NKAIN2: variants seen among roughly 807,000 people sequenced by gnomAD.
NKAIN2 encodes the protein sodium/potassium-transporting ATPase subunit beta-1-interacting protein 2.
A neutral mutation model predicts 32.6 loss-of-function variants in NKAIN2; 14 were observed. The observed-to-expected ratio is 0.43, with a 90% CI of 0.28 to 0.67. The LOEUF is 0.67. Ranked by LOEUF, NKAIN2 falls within the 30% of genes least tolerant of loss-of-function variation. The pLI is 0.17. For synonymous variants in NKAIN2, 80 were observed against 87.2 expected, an observed-to-expected ratio of 0.92 and a Z score of 0.46; for missense variants, 198 against 258.3, an observed-to-expected ratio of 0.77 and a Z score of 1.60.
intron 1 of NKAIN2, among the ~76,000 whole-genome samples, chr6:123,835,065 T>A (rs1468503240): frequency 1.3e-5 from 2 of 152,198 alleles, no homozygotes; most frequent in Non-Finnish European, 2.9e-5. Flanking sequence ...ATTAGCACAG[T>A]TCTAGCCTTT....
At chr6:124,519,052 C>A (rs1779028304) in intron 3 of NKAIN2, among the ~76,000 whole-genome samples, 1 of 152,084 alleles carries the variant, frequency 6.6e-6, no homozygotes, top group Non-Finnish European at 1.5e-5. Context: ...CAGATGTGGA[C>A]AGATAATTGG....
chr6:124,570,361 A>T (rs1214443669), intron 3 of NKAIN2, among the ~76,000 whole-genome samples: 1 of 152,138 alleles, frequency 6.6e-6, no homozygotes, highest in Non-Finnish European at 1.5e-5. Context: ...ACCATGGGGA[A>T]GATGTCACCA....
intron 3 of NKAIN2, among the ~76,000 whole-genome samples, chr6:124,565,784 G>C (rs1413436708): frequency 6.6e-6 from 1 of 152,110 alleles, no homozygotes; most frequent in Non-Finnish European, 1.5e-5. Flanking sequence ...TCTATGCAAG[G>C]GTCTTAGAAG....
At chr6:124,097,695 G>C (rs1784703706) in intron 1 of NKAIN2, among the ~76,000 whole-genome samples, 1 of 152,156 alleles carries the variant, frequency 6.6e-6, no homozygotes, top group African/African-American at 2.4e-5. Flanking sequence ...CAAATGAGAA[G>C]TTCATAATTC....
chr6:124,796,907 C>T (rs962829364), intron 5 of NKAIN2, among the ~76,000 whole-genome samples: 4 of 152,036 alleles, frequency 2.6e-5, no homozygotes, highest in Non-Finnish European at 5.9e-5. Context: ...TATGGCCTCC[C>T]GTCTTCTATT....
chr6:124,812,507 A>T (rs796386130), intron 5 of NKAIN2, among the ~76,000 whole-genome samples: 6 of 152,316 alleles, frequency 3.9e-5, no homozygotes, highest in African/African-American at 9.6e-5. Context: ...ATCAACAAAT[A>T]AACAAGCAGA....
intron 3 of NKAIN2, among the ~76,000 whole-genome samples, chr6:124,393,002 C>T (rs1014568145): frequency 2.0e-5 from 3 of 152,118 alleles, no homozygotes; most frequent in Admixed American, 6.6e-5. Flanking sequence ...GAGACTCTGT[C>T]TTTAAAACAA....
intron 4 of NKAIN2, among the ~76,000 whole-genome samples, chr6:124,727,730 G>A (rs955269632): frequency 9.4e-5 from 14 of 148,422 alleles, no homozygotes; most frequent in East Asian, 4.0e-4. Flanking sequence ...ATGTAAATGG[G>A]CTAAATGCTC....
intron 3 of NKAIN2, among the ~76,000 whole-genome samples, chr6:124,481,626 A>G (rs1777455730): frequency 6.6e-6 from 1 of 152,142 alleles, no homozygotes; most frequent in Admixed American, 6.5e-5. Flanking sequence ...TTCTTGTTTC[A>G]GAGATTAGTG....
At chr6:124,669,566 A>T (rs946747868) in intron 4 of NKAIN2, among the ~76,000 whole-genome samples, 1 of 152,066 alleles carries the variant, frequency 6.6e-6, no homozygotes, top group African/African-American at 2.4e-5. Context: ...TATTATAGGT[A>T]GGAGAACATT....
intron 1 of NKAIN2, among the ~76,000 whole-genome samples, chr6:124,247,005 C>T (rs1031874532): frequency 6.6e-6 from 1 of 151,948 alleles, no homozygotes; most frequent in Non-Finnish European, 1.5e-5. Context: ...CTTCCTGAGG[C>T]CTCTGGCAGG....
intron 1 of NKAIN2, among the ~76,000 whole-genome samples, chr6:124,137,003 CT>C (rs1291458812): frequency 1.3e-5 from 2 of 152,048 alleles, no homozygotes; most frequent in Non-Finnish European, 2.9e-5. Context: ...ACTGTAAGTC[CT>C]AGCCAGAGCA....
intron 3 of NKAIN2, among the ~76,000 whole-genome samples, chr6:124,480,469 T>C (rs1296913567): frequency 6.6e-6 from 1 of 152,158 alleles, no homozygotes; most frequent in Non-Finnish European, 1.5e-5. Context: ...ATGCCAGCAT[T>C]TGACCTTTCA....
intron 3 of NKAIN2, among the ~76,000 whole-genome samples, chr6:124,605,158 A>G (rs1782451576): frequency 6.6e-6 from 1 of 152,064 alleles, no homozygotes; most frequent in Admixed American, 6.6e-5. Flanking sequence ...ATGACTCTGA[A>G]AATTAAAGAA....
At chr6:123,923,205 T>G (rs1402400049) in intron 1 of NKAIN2, among the ~76,000 whole-genome samples, 2 of 152,324 alleles carry the variant, frequency 1.3e-5, no homozygotes, top group South Asian at 2.1e-4. Flanking sequence ...GCTACCATAT[T>G]ACTTTGAGGA....
chr6:124,037,838 T>C (rs915278127), intron 1 of NKAIN2, among the ~76,000 whole-genome samples: 1 of 152,084 alleles, frequency 6.6e-6, no homozygotes, highest in East Asian at 1.9e-4. Context: ...GGAGCAACAG[T>C]CAACTTCAAA....
chr6:124,752,974 T>C (rs1394806114), intron 4 of NKAIN2, among the ~76,000 whole-genome samples: 1 of 152,120 alleles, frequency 6.6e-6, no homozygotes, highest in African/African-American at 2.4e-5. Context: ...CTCTTGGCTC[T>C]TCATGCTTGT....
intron 1 of NKAIN2, among the ~76,000 whole-genome samples, chr6:123,968,981 C>T (rs1458848978): frequency 6.6e-6 from 1 of 152,164 alleles, no homozygotes; most frequent in Admixed American, 6.5e-5. Flanking sequence ...TTCTACTCTT[C>T]TGTAGTTTCC....
At chr6:123,928,306 C>A (rs144585101) in intron 1 of NKAIN2, among the ~76,000 whole-genome samples, 58 of 152,230 alleles carry the variant, frequency 3.8e-4, no homozygotes, top group African/African-American at 1.4e-3. Context: ...GGGTACTATG[C>A]TCACTGCCTG....
Sources: allele counts gnomAD v4.1 joint callset (sites outside exome capture counted in the v4.1 genomes callset), GRCh38; gene constraint gnomAD v4.1.1; transcripts MANE v1.5; gene names NCBI Gene and HGNC (gene_info 2026-07-23, HGNC 2026-07-21).